The following NAALADL2 variants were observed in gnomAD, a reference collection of about 807,000 sequenced individuals.
NAALADL2 encodes N-acetylated alpha-linked acidic dipeptidase like 2, also known as inactive N-acetylated-alpha-linked acidic dipeptidase-like protein 2.
Under a neutral mutation model 87.2 loss-of-function variants are expected in NAALADL2, and 76 were observed. That is an observed-to-expected ratio of 0.87 (90% CI 0.72 to 1.05). The LOEUF (loss-of-function observed/expected upper bound fraction) is 1.05, where lower values mean the gene tolerates loss of function less well. Ranked by LOEUF, NAALADL2 falls within the 50% of genes least tolerant of loss-of-function variation. The probability of loss-of-function intolerance (pLI) is 0.00; values close to 1 mark genes in which losing one functional copy is unlikely to be tolerated. For synonymous variants in NAALADL2, 354 were observed against 331.0 expected, an observed-to-expected ratio of 1.07 and a Z score of -0.75; for missense variants, 1,089 against 945.8, an observed-to-expected ratio of 1.15 and a Z score of -1.99.
chr3:175,439,730 T>C (rs1429788820), intron 5 of NAALADL2, among the ~76,000 whole-genome samples: 2 of 139,420 alleles, frequency 1.4e-5, no homozygotes, highest in Non-Finnish European at 1.6e-5. Context: ...GGTTTTTTTT[T>C]CTTTTTTTTC....
At chr3:175,105,616 A>T in intron 2 of NAALADL2, among the ~76,000 whole-genome samples, 1 of 148,778 alleles carries the variant, frequency 6.7e-6, no homozygotes, top group Non-Finnish European at 1.5e-5. Flanking sequence ...TTTAGAAATT[A>T]AGCAAGATAT....
At chr3:175,092,529 T>C (rs944876060) in intron 1 of NAALADL2, among the ~76,000 whole-genome samples, 1 of 145,382 alleles carries the variant, frequency 6.9e-6, no homozygotes, top group Admixed American at 7.0e-5. Context: ...CAACCAGAGA[T>C]TATATTTTAC....
intron 2 of NAALADL2, among the ~76,000 whole-genome samples, chr3:174,611,604 T>C (rs1578313476): frequency 6.6e-6 from 1 of 152,164 alleles, no homozygotes; most frequent in Admixed American, 6.6e-5. Flanking sequence ...TTCTTTTTTC[T>C]TTTTTGAGAC....
intron 1 of NAALADL2, among the ~76,000 whole-genome samples, chr3:174,875,559 C>A (rs1397295502): frequency 6.6e-6 from 1 of 151,962 alleles, no homozygotes; most frequent in East Asian, 1.9e-4. Flanking sequence ...TTCTAAAGTT[C>A]TTTCTATATT....
intron 2 of NAALADL2, among the ~76,000 whole-genome samples, chr3:175,211,573 A>C (rs1331566399): frequency 6.6e-6 from 1 of 151,972 alleles, no homozygotes; most frequent in African/African-American, 2.4e-5. Flanking sequence ...CCATTCCTAC[A>C]GATTCCTAAC....
At chr3:175,211,666 T>G (rs1238617213) in intron 2 of NAALADL2, among the ~76,000 whole-genome samples, 3 of 151,964 alleles carry the variant, frequency 2.0e-5, no homozygotes, top group Non-Finnish European at 2.9e-5. Context: ...ATGTATTCCC[T>G]CATGCTTTCT....
At chr3:174,479,579 T>C (rs1309082022) in intron 1 of NAALADL2, among the ~76,000 whole-genome samples, 1 of 152,106 alleles carries the variant, frequency 6.6e-6, no homozygotes, top group Non-Finnish European at 1.5e-5. Context: ...ATAAGGATGG[T>C]CTATCTAACA....
At chr3:174,688,008 C>A (rs520059) in intron 2 of NAALADL2, among the ~76,000 whole-genome samples, 114,374 of 152,094 alleles carry the variant, frequency 0.75, 43,190 homozygotes, top group East Asian at 0.89. Flanking sequence ...ATAAATTACC[C>A]AGTCTTAGGT....
At chr3:174,796,223 G>C (rs1205941407) in intron 3 of NAALADL2, among the ~76,000 whole-genome samples, 1 of 152,114 alleles carries the variant, frequency 6.6e-6, no homozygotes, top group African/African-American at 2.4e-5. Flanking sequence ...AACCTTATTG[G>C]AATATTTAAG....
At chr3:175,246,691 T>C (rs1296367337) in intron 3 of NAALADL2, among the ~76,000 whole-genome samples, 1 of 152,188 alleles carries the variant, frequency 6.6e-6, no homozygotes, top group Middle Eastern at 3.2e-3. Flanking sequence ...TAATTCTGCT[T>C]TTCTTTTAAT....
intron 5 of NAALADL2, among the ~76,000 whole-genome samples, chr3:175,336,143 TCC>T (rs1243195366): frequency 6.6e-6 from 1 of 152,124 alleles, no homozygotes; most frequent in Admixed American, 6.6e-5. Context: ...TTTTCCACCT[TCC>T]GTTCTCTTTA....
chr3:175,267,087 C>G (rs574124257), intron 4 of NAALADL2, among the ~76,000 whole-genome samples: 1 of 150,530 alleles, frequency 6.6e-6, no homozygotes, highest in Admixed American at 6.6e-5. Context: ...GGCCCTTCTT[C>G]CAATTATACT....
At chr3:174,831,532 G>A (rs1469443873) in intron 3 of NAALADL2, among the ~76,000 whole-genome samples, 1 of 147,260 alleles carries the variant, frequency 6.8e-6, no homozygotes, top group African/African-American at 2.5e-5. Flanking sequence ...GAGGATTTTT[G>A]CATCAATGTT....
chr3:175,026,272 C>T (rs1256796363), intron 1 of NAALADL2, among the ~76,000 whole-genome samples: 1 of 151,924 alleles, frequency 6.6e-6, no homozygotes. Context: ...TAATCTCATG[C>T]ACTTTGGAGA....
rs545761187 is a variant in NAALADL2, at chr3:175,099,998, T to A, written c.545+2707T>A. On this transcript the variant is annotated intron_variant, in intron 2 of 13. Coordinates refer to ENST00000454872, the MANE Select transcript of NAALADL2 (RefSeq NM_207015.3). ...ATTTTTCATATTATATTACAATTTA[T>A]ACAAAATATTATGAACATAGTATTT... Among the ~76,000 whole-genome samples, 9 of 150,940 alleles carry A rather than the reference T, an allele frequency of 6.0e-5. No individual in the cohort carries two copies. In the South Asian group the frequency reaches 1.5e-3, roughly 24 times the overall value.
chr3:174,452,942 A>T (rs1009534154), intron 1 of NAALADL2, among the ~76,000 whole-genome samples: 59 of 152,152 alleles, frequency 3.9e-4, no homozygotes, highest in African/African-American at 1.4e-3. Context: ...GAGATGACTG[A>T]CGTGACAGAA....
In NAALADL2 at chr3:174,779,251, ATGTT is replaced by A. The variant is rs770601025; in HGVS notation, c.-9+41510_-9+41513del. Reference sequence around the variant, plus strand: ...CCAGTGATGATGAGCTTTTTTTCATATGTTTGTTGGCTGCATAAATGTCTTCTTT... The same window carrying A: ...CCAGTGATGATGAGCTTTTTTTCATATGTTGGCTGCATAAATGTCTTCTTT... On this transcript the variant is annotated intron_variant, in intron 3 of 3. Coordinates refer to the NAALADL2 transcript ENST00000434257. 3.1e-3 allele frequency among the ~76,000 whole-genome samples: 470 copies of A among 151,410 alleles called. 14 individuals carry two copies. The East Asian group carries it at 0.075, about 24-fold the overall frequency.
At chr3:175,748,896 G>C (rs1746263584) in intron 12 of NAALADL2, among the ~76,000 whole-genome samples, 1 of 151,746 alleles carries the variant, frequency 6.6e-6, no homozygotes, top group Non-Finnish European at 1.5e-5. Flanking sequence ...CTTGAGGCTA[G>C]GAGTTCAAGA....
chr3:174,998,567 T>G (rs1747835382), intron 1 of NAALADL2, among the ~76,000 whole-genome samples: 1 of 152,190 alleles, frequency 6.6e-6, no homozygotes, highest in Non-Finnish European at 1.5e-5. Flanking sequence ...AATCATAACC[T>G]TGATACATTT....
Sources: allele counts gnomAD v4.1 joint callset (sites outside exome capture counted in the v4.1 genomes callset), GRCh38; gene constraint gnomAD v4.1.1; transcripts MANE v1.5; gene names NCBI Gene and HGNC (gene_info 2026-07-23, HGNC 2026-07-21).